Variants in ZNF564 observed in about 807,000 individuals in gnomAD.
The protein encoded by ZNF564 is zinc finger protein 564.
Under a neutral mutation model 10.5 loss-of-function variants are expected in ZNF564, and 5 were observed. The observed-to-expected ratio is 0.48, with a 90% confidence interval of 0.25 to 1.00. The LOEUF is 1.00. Ranked by LOEUF, ZNF564 falls within the 50% of genes least tolerant of loss-of-function variation. The pLI, the probability that ZNF564 is intolerant of heterozygous loss-of-function variation, is 0.16. For synonymous variants in ZNF564, 242 were observed against 218.1 expected, an observed-to-expected ratio of 1.11 and a Z score of -0.97; for missense variants, 603 against 669.7, an observed-to-expected ratio of 0.90 and a Z score of 1.10.
intron 3 of ZNF564, 41 bp from the exon 4 acceptor site, chr19:12,527,957 T>A: frequency 6.5e-7 from 1 of 1,531,890 alleles, no homozygotes; most frequent in East Asian, 2.3e-5. Context: ...TTTGTGACTT[T>A]ATATTTATTA....
At chr19:12,536,116 A>T (rs1472149028) in intron 1 of ZNF564, among the ~76,000 whole-genome samples, 1 of 152,156 alleles carries the variant, frequency 6.6e-6, no homozygotes, top group Non-Finnish European at 1.5e-5. Context: ...TTCTGAAAAA[A>T]ATCTGTTACA....
In ZNF564 at chr19:12,540,905, G is replaced by A. The variant is rs181823001; in HGVS notation, c.3+10425C>T. ...CAGGCACCTGTAGTCCCAGCTACTCGAGAGGCTGAGGTAGGAGAATTGCTT... is the reference window on the plus strand; with the variant it reads ...CAGGCACCTGTAGTCCCAGCTACTCAAGAGGCTGAGGTAGGAGAATTGCTT... On this transcript the variant is annotated intron_variant, in intron 1 of 3. Coordinates refer to ENST00000339282, the MANE Select transcript of ZNF564 (RefSeq NM_144976.4). Among the ~76,000 whole-genome samples the A allele has an allele frequency of 2.1e-4, 32 of 150,814 alleles. No individual in the cohort carries two copies. In the East Asian group the frequency reaches 5.3e-3, roughly 25 times the overall value.
At chr19:12,532,603 A>C (rs2021832240) in intron 1 of ZNF564, among the ~76,000 whole-genome samples, 1 of 150,416 alleles carries the variant, frequency 6.6e-6, no homozygotes, top group African/African-American at 2.4e-5. Flanking sequence ...ACAAACTTGC[A>C]GTCAGCTACT....
At chr19:12,545,139 A>G (rs778829412) in intron 1 of ZNF564, among the ~76,000 whole-genome samples, 1 of 151,868 alleles carries the variant, frequency 6.6e-6, no homozygotes, top group Non-Finnish European at 1.5e-5. Flanking sequence ...GCGCATGCCT[A>G]TAATCCCAGC....
intron 1 of ZNF564, among the ~76,000 whole-genome samples, chr19:12,534,667 A>G (rs2021872954): frequency 6.6e-6 from 1 of 152,104 alleles, no homozygotes; most frequent in Admixed American, 6.6e-5. Context: ...TACAAAAATT[A>G]GCTGGGCATG....
chr19:12,546,721 A>G (rs1210492786), intron 1 of ZNF564, among the ~76,000 whole-genome samples: 1 of 151,998 alleles, frequency 6.6e-6, no homozygotes, highest in African/African-American at 2.4e-5. Flanking sequence ...ACAGAGCAAG[A>G]CTCTGTCTCA....
chr19:12,542,703 A>C (rs984328315), intron 1 of ZNF564, among the ~76,000 whole-genome samples: 3 of 151,876 alleles, frequency 2.0e-5, no homozygotes, highest in Non-Finnish European at 4.4e-5. Flanking sequence ...AAGGAAAGAA[A>C]GGAAGGAAAA....
At chr19:12,532,522 G>A (rs1381166266) in intron 1 of ZNF564, among the ~76,000 whole-genome samples, 12 of 114,132 alleles carry the variant, frequency 1.1e-4, no homozygotes, top group Admixed American at 6.0e-4. Flanking sequence ...GCGACAGAGC[G>A]AGACTCCGTC....
At position 12,526,820 on chromosome 19, in the gene ZNF564, A is replaced by G; in HGVS notation, c.1288T>C (p.Phe430Leu). 1 of 1,614,132 alleles carries G rather than the reference A, an allele frequency of 6.2e-7. No individual in the cohort carries two copies. Among genetic ancestry groups the G allele is most frequent in the Non-Finnish European group, 8.5e-7 (1 of 1,180,012 alleles). ...PYECQVCGKA[F>L]ISLKRIRKHM... is the part of the protein sequence containing the mutation. ...TTTCTAATCCTTTTAAGAGAAATGA[A>G]GGCTTTCCCACATACCTGACATTCA... The change falls in exon 4 of 4, where the codon TTC (phenylalanine) becomes CTC (leucine). Residue 430 changes from phenylalanine to leucine, a missense_variant. By Grantham distance (22) the Phe-to-Leu change is conservative. Coordinates refer to ENST00000339282, the MANE Select transcript of ZNF564 (RefSeq NM_144976.4).
In ZNF564 at chr19:12,526,929, A is replaced by G; in HGVS notation, c.1179T>C (p.Tyr393=). The change falls in exon 4 of 4, where the codon TAT becomes TAC. Residue 393 remains tyrosine, a synonymous_variant. Transcript: ENST00000339282. The part of the protein sequence containing the change: ...HMIKHTGDGP[Y]KCQVCGRAFD... Reference sequence around the variant, plus strand: ...AGGCTCTACCACATACCTGACATTTATAAGGTCCATCTCCAGTGTGCTTTA... The same window carrying G: ...AGGCTCTACCACATACCTGACATTTGTAAGGTCCATCTCCAGTGTGCTTTA... The G allele has an allele frequency of 1.2e-6, 2 of 1,614,158 alleles. No homozygotes were observed. Among genetic ancestry groups the G allele is most frequent in the African/African-American group, 1.3e-5 (1 of 75,042 alleles).
intron 1 of ZNF564, among the ~76,000 whole-genome samples, chr19:12,534,913 T>C (rs1295804609): frequency 1.3e-5 from 2 of 152,190 alleles, no homozygotes; most frequent in Admixed American, 6.6e-5. Flanking sequence ...CAAAAACCTG[T>C]ACATGGATGT....
chr19:12,528,096 G>C (rs1359712817), intron 3 of ZNF564, among the ~76,000 whole-genome samples, 180 bp from the exon 4 acceptor site: 1 of 152,142 alleles, frequency 6.6e-6, no homozygotes, highest in African/African-American at 2.4e-5. Context: ...CACCAAAAAA[G>C]TGATATCCAT....
At chr19:12,539,896 G>T (rs1279376613) in intron 1 of ZNF564, among the ~76,000 whole-genome samples, 1 of 151,232 alleles carries the variant, frequency 6.6e-6, no homozygotes, top group Non-Finnish European at 1.5e-5. Flanking sequence ...CAGGAGATTG[G>T]CGTGAATCTG....
chr19:12,543,631 G>A (rs1271438558), intron 1 of ZNF564, among the ~76,000 whole-genome samples: 5 of 131,774 alleles, frequency 3.8e-5, no homozygotes, highest in South Asian at 2.4e-4. Context: ...CCAAGATCAC[G>A]TCACTGCACT....
intron 1 of ZNF564, among the ~76,000 whole-genome samples, chr19:12,531,350 T>C (rs530360541): frequency 6.6e-6 from 1 of 151,840 alleles, no homozygotes; most frequent in Admixed American, 6.6e-5. Flanking sequence ...TCAGGATCAT[T>C]TGAGTTAGGA....
At chr19:12,549,336 T>C (rs893023067) in intron 1 of ZNF564, among the ~76,000 whole-genome samples, 5 of 152,150 alleles carry the variant, frequency 3.3e-5, no homozygotes, top group African/African-American at 4.8e-5. Context: ...ATTTATCTGA[T>C]TCCAATGTCA....
intron 1 of ZNF564, among the ~76,000 whole-genome samples, chr19:12,542,980 C>A (rs573127243): frequency 6.7e-6 from 1 of 149,508 alleles, no homozygotes; most frequent in African/African-American, 2.5e-5. Context: ...CTGGCCTGGG[C>A]AATAAGAGAG....
intron 1 of ZNF564, among the ~76,000 whole-genome samples, chr19:12,547,557 C>T (rs2022177030): frequency 6.6e-6 from 1 of 152,160 alleles, no homozygotes; most frequent in South Asian, 2.1e-4. Flanking sequence ...ACTATTACAA[C>T]CTCAGACAGG....
intron 1 of ZNF564, among the ~76,000 whole-genome samples, chr19:12,538,176 T>A (rs1288680322): frequency 6.6e-6 from 1 of 151,934 alleles, no homozygotes; most frequent in Non-Finnish European, 1.5e-5. Flanking sequence ...AATATATAAA[T>A]ACAAAATAAA....
Sources: allele counts gnomAD v4.1 joint callset (sites outside exome capture counted in the v4.1 genomes callset), GRCh38; gene constraint gnomAD v4.1.1; transcripts MANE v1.5; gene names NCBI Gene and HGNC (gene_info 2026-07-23, HGNC 2026-07-21).